GPD2: variants seen among roughly 807,000 people sequenced by gnomAD.
GPD2 encodes the protein glycerol-3-phosphate dehydrogenase 2.
Under a neutral mutation model 82.4 loss-of-function variants are expected in GPD2, and 54 were observed. The observed-to-expected ratio is 0.66, with a 90% confidence interval of 0.53 to 0.82. GPD2 has a LOEUF of 0.82. GPD2 is among the 40% of genes least tolerant of loss of function. The pLI, the probability that GPD2 is intolerant of heterozygous loss-of-function variation, is 0.00. For synonymous variants in GPD2, 288 were observed against 306.1 expected (o/e 0.94, Z 0.62); for missense variants, 748 against 896.2 (o/e 0.83, Z 2.11).
chr2:156,407,099 C>G, the GPD2 span, among the ~76,000 whole-genome samples: 1 of 152,148 alleles, frequency 6.6e-6, no homozygotes, highest in Non-Finnish European at 1.5e-5. Flanking sequence ...GTAATCCCAG[C>G]TACTCGGAAG....
At chr2:156,562,379 G>GC (rs1165945401) in intron 9 of GPD2, among the ~76,000 whole-genome samples, 1 of 152,124 alleles carries the variant, frequency 6.6e-6, no homozygotes, top group Non-Finnish European at 1.5e-5. Flanking sequence ...TTTAATTATA[G>GC]TGTCACACGC....
intron 9 of GPD2, among the ~76,000 whole-genome samples, chr2:156,565,440 C>T (rs886166794): frequency 1.1e-4 from 16 of 152,090 alleles, no homozygotes; most frequent in African/African-American, 3.6e-4. Context: ...CCCCATTCCA[C>T]AGAAGCCATC....
At chr2:156,477,093 C>A (rs1330225108) in intron 2 of GPD2, among the ~76,000 whole-genome samples, 1 of 152,132 alleles carries the variant, frequency 6.6e-6, no homozygotes, top group Non-Finnish European at 1.5e-5. Flanking sequence ...TGGAGCCAGG[C>A]GCATTGCTTG....
intron 6 of GPD2, among the ~76,000 whole-genome samples, chr2:156,539,348 TG>T (rs1466826532): frequency 6.6e-6 from 1 of 152,172 alleles, no homozygotes; most frequent in Non-Finnish European, 1.5e-5. Context: ...AGTTAGTGGC[TG>T]GTTGGGTCCT....
the GPD2 span, among the ~76,000 whole-genome samples, chr2:156,406,993 C>G: frequency 6.6e-6 from 1 of 152,092 alleles, no homozygotes; most frequent in Non-Finnish European, 1.5e-5. Flanking sequence ...GGCAGATCAC[C>G]TGAGGTCACG....
chr2:156,431,067 G>A (rs2105124013), upstream of GPD2, among the ~76,000 whole-genome samples: 1 of 152,342 alleles, frequency 6.6e-6, no homozygotes, highest in South Asian at 2.1e-4. Flanking sequence ...GGTGAAAAAG[G>A]GAAAGCTTTT....
At chr2:156,534,131 G>T (rs1685971176) in intron 6 of GPD2, among the ~76,000 whole-genome samples, 1 of 152,208 alleles carries the variant, frequency 6.6e-6, no homozygotes, top group South Asian at 2.1e-4. Context: ...TGGGGAGCTA[G>T]AAAGGGGATG....
intron 2 of GPD2, among the ~76,000 whole-genome samples, chr2:156,480,752 A>T (rs1683697327): frequency 6.6e-6 from 1 of 150,844 alleles, no homozygotes; most frequent in Non-Finnish European, 1.5e-5. Flanking sequence ...GCTTCAGAAT[A>T]TGAAAATCAA....
chr2:156,507,446 C>A (rs770481137), intron 3 of GPD2, among the ~76,000 whole-genome samples: 2 of 152,042 alleles, frequency 1.3e-5, no homozygotes, highest in Non-Finnish European at 2.9e-5. Context: ...CCTCAGCCTC[C>A]CAAGTAGCTG....
At chr2:156,478,990 T>C (rs1203848694) in intron 2 of GPD2, among the ~76,000 whole-genome samples, 1 of 152,250 alleles carries the variant, frequency 6.6e-6, no homozygotes, top group Non-Finnish European at 1.5e-5. Context: ...TCCTGGCCCC[T>C]GGCTTGTGCC....
chr2:156,495,977 T>C lies in GPD2; in HGVS notation c.103-67T>C, dbSNP rs558415343. On this transcript the variant is annotated intron_variant, in intron 2 of 16. Coordinates refer to ENST00000438166, the MANE Select transcript of GPD2 (RefSeq NM_000408.5). Reference sequence around the variant, plus strand: ...ATTTCTATTAGAAATTTCCTTTTAGTATATTGTAAAATTTGTTAAATTGAC... The same window carrying C: ...ATTTCTATTAGAAATTTCCTTTTAGCATATTGTAAAATTTGTTAAATTGAC... 6 of 1,159,304 alleles carry C rather than the reference T, an allele frequency of 5.2e-6. 1 individual carries two copies. The African/African-American group carries it at 7.6e-5, about 15-fold the overall frequency. The allele number at this position is 1,159,304 out of a possible 1,614,324, so 71.8% of individuals were successfully genotyped here. A position where few individuals can be genotyped will look rare whatever the true frequency, so the allele number is the denominator to read the frequency against.
chr2:156,438,978 GCTTCCT>G, intron 1 of GPD2, among the ~76,000 whole-genome samples: 1 of 152,182 alleles, frequency 6.6e-6, no homozygotes, highest in South Asian at 2.1e-4. Flanking sequence ...GTTGGAGACA[GCTTCCT>G]GGTGAAGGGA....
intron 6 of GPD2, among the ~76,000 whole-genome samples, chr2:156,538,558 C>T (rs1172299545): frequency 2.6e-5 from 4 of 151,536 alleles, no homozygotes; most frequent in Admixed American, 6.6e-5. Flanking sequence ...TGGTGGTTCA[C>T]GCCTGTAATC....
chr2:156,566,294 C>T (rs747536224), intron 9 of GPD2, among the ~76,000 whole-genome samples: 1 of 152,006 alleles, frequency 6.6e-6, no homozygotes, highest in Non-Finnish European at 1.5e-5. Flanking sequence ...TTCACATTGT[C>T]ATGCAACCAT....
At chr2:156,581,398 C>T (rs1688019115) in intron 16 of GPD2, among the ~76,000 whole-genome samples, 1 of 151,994 alleles carries the variant, frequency 6.6e-6, no homozygotes, top group Non-Finnish European at 1.5e-5. Context: ...CATATACTGT[C>T]TATGGCTTAA....
At chr2:156,541,824 G>GGT (rs368922459) in intron 6 of GPD2, among the ~76,000 whole-genome samples, 1 of 81,468 alleles carries the variant, frequency 1.2e-5, no homozygotes, top group Admixed American at 1.9e-4. Context: ...AATGCTGTTT[G>GGT]TTTTTTTTTT....
At chr2:156,558,987 G>T (rs1197559125) in intron 9 of GPD2, among the ~76,000 whole-genome samples, 1 of 151,696 alleles carries the variant, frequency 6.6e-6, no homozygotes, top group South Asian at 2.1e-4. Flanking sequence ...GCATTCTGTG[G>T]TCTAATCATG....
intron 6 of GPD2, among the ~76,000 whole-genome samples, chr2:156,517,299 G>A (rs1157968361): frequency 6.6e-6 from 1 of 152,114 alleles, no homozygotes; most frequent in African/African-American, 2.4e-5. Flanking sequence ...ACTGTTCTGT[G>A]CATGACATAA....
At chr2:156,520,132 C>G (rs879857188) in intron 6 of GPD2, among the ~76,000 whole-genome samples, 3 of 152,168 alleles carry the variant, frequency 2.0e-5, no homozygotes, top group Non-Finnish European at 2.9e-5. Context: ...CTTCTTTTCT[C>G]TCATTCTCTG....
Sources: gnomAD v4.1 joint callset for allele counts (sites outside exome capture counted in the v4.1 genomes callset) on GRCh38, gnomAD v4.1.1 for gene constraint, MANE v1.5 for transcripts, NCBI Gene and HGNC (gene_info 2026-07-23, HGNC 2026-07-21) for gene names.